Variants in IGSF10 observed in about 807,000 individuals in gnomAD.
IGSF10 encodes immunoglobulin superfamily member 10.
A neutral mutation model predicts 128.2 loss-of-function variants in IGSF10; 126 were observed. The ratio of observed to expected loss-of-function variants is 0.98; its 90% confidence interval spans 0.85 to 1.14. The LOEUF (loss-of-function observed/expected upper bound fraction) is 1.14. Among genes scored for constraint, IGSF10 ranks in the 50% most tolerant of loss-of-function variants. The probability of loss-of-function intolerance (pLI) is 0.00; values close to 1 mark genes in which losing one functional copy is unlikely to be tolerated. For synonymous variants in IGSF10, 1,185 were observed against 1,146.2 expected (o/e 1.03, Z -0.68); for missense variants, 3,295 against 3,149.8 (o/e 1.05, Z -1.10).
chr3:151,478,190 C>G, the IGSF10 span, among the ~76,000 whole-genome samples: 1 of 152,146 alleles, frequency 6.6e-6, no homozygotes, highest in Non-Finnish European at 1.5e-5. Context: ...CCATTCTTAG[C>G]TCACCATAGG....
chr3:151,515,556 A>C, the IGSF10 span, among the ~76,000 whole-genome samples: 1 of 151,856 alleles, frequency 6.6e-6, no homozygotes, highest in East Asian at 1.9e-4. Context: ...CCAACATGGC[A>C]CATGTATACA....
At chr3:151,599,295 G>A in the IGSF10 span, among the ~76,000 whole-genome samples, 3 of 152,226 alleles carry the variant, frequency 2.0e-5, no homozygotes, top group Admixed American at 6.5e-5. Context: ...AGGGAAAGGA[G>A]GCTGAGGATA....
Position 151,436,337 on chromosome 3 carries a change from G to T in IGSF10, c.*352C>A. 1 of 182,986 alleles carries T rather than the reference G, an allele frequency of 5.5e-6. No individual in the cohort carries two copies. Among genetic ancestry groups the T allele is most frequent in the Non-Finnish European group, 1.2e-5 (1 of 86,670 alleles). 11.3% of individuals were successfully genotyped at this position (182,986 alleles called of 1,614,324 possible). On this transcript the variant is annotated 3_prime_UTR_variant, in exon 8 of 8. Transcript: ENST00000282466. Reference sequence around the variant, plus strand: ...TTCTGAGTGCCATGCTTGTAACATTGATAGGAGGTGGACACTAGGCAACTG... The same window carrying T: ...TTCTGAGTGCCATGCTTGTAACATTTATAGGAGGTGGACACTAGGCAACTG...
Position 151,437,595 on chromosome 3 carries a change from G to C in IGSF10, c.6966C>G (p.Ser2322Arg). 6.2e-7 allele frequency: 1 copy of C among 1,613,994 alleles called. No homozygotes were observed. The highest frequency in any genetic ancestry group is 8.5e-7 in the Non-Finnish European group (1 of 1,180,006). The change falls in exon 8 of 8, where the codon AGC (serine) becomes AGG (arginine). Residue 2322 changes from serine to arginine, a missense_variant. Physicochemically the swap from Ser to Arg is moderately radical, Grantham distance 110. Coordinates refer to ENST00000282466, the MANE Select transcript of IGSF10 (RefSeq NM_178822.5). ...GTACTTCTAACTGTACTACCAACACGCTCTCTCCACCTTCATTTCGGGCCA... is the reference window on the plus strand; with the variant it reads ...GTACTTCTAACTGTACTACCAACACCCTCTCTCCACCTTCATTTCGGGCCA... ...ICVARNEGGE[S>R]VLVVQLEVLE...
chr3:151,512,900 C>A, the IGSF10 span, among the ~76,000 whole-genome samples: 1 of 152,110 alleles, frequency 6.6e-6, no homozygotes, highest in Non-Finnish European at 1.5e-5. Flanking sequence ...TACACCCTCC[C>A]AAGACTAAAC....
At chr3:151,607,771 T>C in the IGSF10 span, among the ~76,000 whole-genome samples, 371 of 149,538 alleles carry the variant, frequency 2.5e-3, 1 homozygote, top group African/African-American at 8.7e-3. Context: ...ATTAGCCGGG[T>C]GTGGTGGCAG....
chr3:151,473,503 C>T, the IGSF10 span, among the ~76,000 whole-genome samples: 1 of 152,156 alleles, frequency 6.6e-6, no homozygotes, highest in Non-Finnish European at 1.5e-5. Context: ...ATCATGCACT[C>T]AAGATTTGGG....
the IGSF10 span, among the ~76,000 whole-genome samples, chr3:151,475,309 A>AGAGACG: frequency 2.0e-5 from 3 of 152,238 alleles, no homozygotes; most frequent in African/African-American, 7.2e-5. Context: ...CGATTGTGAG[A>AGAGACG]GAGACTGGTG....
rs1327887122 is a variant in IGSF10, at chr3:151,444,864, A to G, written c.5062+55T>C. 3 of 1,478,954 alleles carry G rather than the reference A, an allele frequency of 2.0e-6. No individual in the cohort carries two copies. The South Asian group carries it at 4.1e-5, about 20-fold the overall frequency. 91.6% of individuals were successfully genotyped at this position (1,478,954 alleles called of 1,614,324 possible). ...TGGATGTTTAATCCCAAAACATAAC[A>G]ATCTTCTTCTTGTTTTCTAACAAAA... On this transcript the variant is annotated intron_variant, in intron 6 of 7. Transcript: ENST00000282466.
chr3:151,443,013 T>C lies in IGSF10; in HGVS notation c.5934A>G (p.Pro1978=). The C allele has an allele frequency of 6.2e-7, 1 of 1,614,132 alleles. No homozygotes were observed. The change falls in exon 7 of 8, where the codon CCA becomes CCG. Residue 1978 remains proline (P), a synonymous_variant. Coordinates refer to ENST00000282466, the MANE Select transcript of IGSF10 (RefSeq NM_178822.5). ...EPKPQIMWRL[P]SKAVVDQQHR... ...GCTGCTGGTCGACCACAGCCTTGGA[T>C]GGTAACCTCCACATTATTTGGGGTT...
At chr3:151,461,442 G>A (rs1448784617), upstream of IGSF10, 1 of 983,696 alleles carries the variant, frequency 1.0e-6, no homozygotes, top group Non-Finnish European at 1.2e-6. Flanking sequence ...CAGTGTCAAT[G>A]TTTTATTTAA....
chr3:151,543,420 G>A, the IGSF10 span, among the ~76,000 whole-genome samples: 3 of 152,124 alleles, frequency 2.0e-5, no homozygotes, highest in African/African-American at 7.2e-5. Flanking sequence ...ACCTGCAGCT[G>A]CACAGCTGGC....
chr3:151,536,607 T>G, the IGSF10 span, among the ~76,000 whole-genome samples: 1 of 152,186 alleles, frequency 6.6e-6, no homozygotes. Context: ...CTGATTCTAC[T>G]GTAAAGCTTA....
the IGSF10 span, among the ~76,000 whole-genome samples, chr3:151,499,447 A>G: frequency 6.6e-6 from 1 of 152,110 alleles, no homozygotes; most frequent in African/African-American, 2.4e-5. Context: ...GCCCCACCCA[A>G]TTCTCAGTAA....
chr3:151,483,660 G>C, the IGSF10 span, among the ~76,000 whole-genome samples: 1 of 152,116 alleles, frequency 6.6e-6, no homozygotes, highest in African/African-American at 2.4e-5. Context: ...AGCCCAAGGA[G>C]GACAACTGAA....
intron 3 of IGSF10, among the ~76,000 whole-genome samples, chr3:151,457,735 C>T (rs1335961162): frequency 2.0e-5 from 3 of 152,292 alleles, no homozygotes; most frequent in East Asian, 3.9e-4. Flanking sequence ...TAAATGGATG[C>T]AGTGCTTAAC....
chr3:151,560,583 T>A, the IGSF10 span, among the ~76,000 whole-genome samples: 2 of 152,102 alleles, frequency 1.3e-5, no homozygotes, highest in Admixed American at 6.6e-5. Context: ...TTAGGCAAGA[T>A]GAATTAGAGC....
chr3:151,488,863 T>TA, the IGSF10 span, among the ~76,000 whole-genome samples: 5 of 152,126 alleles, frequency 3.3e-5, no homozygotes, highest in Non-Finnish European at 7.4e-5. Flanking sequence ...CCTAAAACCA[T>TA]AAAATCCCTA....
rs1364573468 is a variant in IGSF10, at chr3:151,447,535, G to A, written c.2446C>T (p.Leu816Phe). The change falls in exon 6 of 8, where the codon CTT becomes TTT. Residue 816 changes from leucine (L) to phenylalanine (F), a missense_variant. By Grantham distance (22) the Leu-to-Phe change is conservative. Coordinates refer to ENST00000282466, the MANE Select transcript of IGSF10 (RefSeq NM_178822.5). Reference protein sequence around the residue: ...FMVPATKALNLPARTVTADSR... With the variant: ...FMVPATKALNFPARTVTADSR... The stretch of plus-strand genomic sequence containing the variant: ...TCAGCAGTCACTGTCCTTGCTGGAA[G>A]GTTCAAAGCTTTAGTGGCCGGGACC... The A allele has an allele frequency of 3.7e-6, 6 of 1,614,170 alleles. No individual in the cohort carries two copies. The highest frequency in any genetic ancestry group is 5.1e-6 in the Non-Finnish European group (6 of 1,180,024).
Sources: allele counts gnomAD v4.1 joint callset (sites outside exome capture counted in the v4.1 genomes callset), GRCh38; gene constraint gnomAD v4.1.1; transcripts MANE v1.5; gene names NCBI Gene and HGNC (gene_info 2026-07-23, HGNC 2026-07-21).